SYTL2: variants seen among roughly 807,000 people sequenced by gnomAD.
The protein encoded by SYTL2 is synaptotagmin-like protein 2.
SYTL2 carries 165 observed loss-of-function variants against 198.7 expected under a neutral mutation model. That is an observed-to-expected ratio of 0.83 (90% CI 0.73 to 0.94). The LOEUF (loss-of-function observed/expected upper bound fraction) is 0.94. SYTL2 is among the 40% of genes least tolerant of loss of function. The pLI is 0.00. For missense variants in SYTL2, 2,835 were observed against 2,582.8 expected, an observed-to-expected ratio of 1.10 and a Z score of -2.12; for synonymous variants, 966 against 917.7, an observed-to-expected ratio of 1.05 and a Z score of -0.95.
intron 1 of SYTL2, among the ~76,000 whole-genome samples, chr11:85,796,677 A>G (rs2092808431): frequency 6.6e-6 from 1 of 152,118 alleles, no homozygotes; most frequent in Non-Finnish European, 1.5e-5. Flanking sequence ...TTCTATCCAA[A>G]TCCCAAATGC....
chr11:85,826,071 A>G, the SYTL2 span, among the ~76,000 whole-genome samples: 2 of 152,198 alleles, frequency 1.3e-5, no homozygotes, highest in African/African-American at 4.8e-5. Flanking sequence ...GTCTATTCAC[A>G]TTCTCTTTCT....
intron 1 of SYTL2, among the ~76,000 whole-genome samples, chr11:85,793,875 AC>A (rs1412879803): frequency 6.6e-6 from 1 of 152,244 alleles, no homozygotes; most frequent in Admixed American, 6.5e-5. Context: ...ACAGATATGA[AC>A]CCTGGAAAAT....
At chr11:85,781,185 T>C (rs1566018102) in intron 1 of SYTL2, among the ~76,000 whole-genome samples, 1 of 152,118 alleles carries the variant, frequency 6.6e-6, no homozygotes. Context: ...CTTACAATCA[T>C]GACAGAAGGG....
At position 85,727,261 on chromosome 11, in the gene SYTL2, C is replaced by T; in HGVS notation, c.2097G>A (p.Lys699=). ...CTCTATTTTCTTCATGAGCATGAAA[C>T]TTGGGTTCTTCTTCACCCAAGTTGC... is the stretch of plus-strand genomic sequence containing the variant. ...NIGNLGEEEP[K]FHAHEENRGH... The change falls in exon 8 of 20, where the codon AAG becomes AAA. Residue 699 remains lysine (K), a synonymous_variant. Coordinates refer to ENST00000359152, the MANE Select transcript of SYTL2 (RefSeq NM_206927.4). The T allele has an allele frequency of 1.0e-5, 16 of 1,535,232 alleles. No individual in the cohort carries two copies. Among genetic ancestry groups the T allele is most frequent in the Non-Finnish European group, 1.4e-5 (16 of 1,146,702 alleles).
rs754526967 is a variant in SYTL2 at position 85,725,642 on chromosome 11, G to T, written c.3716C>A (p.Thr1239Asn). ...QAKLAPVITG[T>N]NSKLEEGRFF... ...TCTCCCCTCTTCCAGCTTAGAGTTGGTTCCAGTGATAACAGGCGCCAACTT... is the reference window on the plus strand; with the variant it reads ...TCTCCCCTCTTCCAGCTTAGAGTTGTTTCCAGTGATAACAGGCGCCAACTT... The change falls in exon 8 of 20, where the codon ACC (threonine) becomes AAC (asparagine). Residue 1239 changes from threonine (T) to asparagine (N), a missense_variant. Physicochemically the swap from Thr to Asn is moderately conservative, Grantham distance 65. Around this residue, in one of 3 missense-constraint regions of SYTL2, gnomAD observed 2,645 missense variants for 2,381.7 expected, o/e 1.11. Transcript: ENST00000359152. The T allele has an allele frequency of 1.9e-6, 3 of 1,614,066 alleles. No individual in the cohort carries two copies. Among genetic ancestry groups the T allele is most frequent in the Non-Finnish European group, 2.5e-6 (3 of 1,180,020 alleles).
intron 1 of SYTL2, among the ~76,000 whole-genome samples, chr11:85,795,265 T>C (rs1053010290): frequency 6.6e-6 from 1 of 152,068 alleles, no homozygotes; most frequent in African/African-American, 2.4e-5. Flanking sequence ...CAAGGAATAA[T>C]GCTTGCATTT....
chr11:85,819,463 A>C, the SYTL2 span, among the ~76,000 whole-genome samples: 2 of 152,196 alleles, frequency 1.3e-5, no homozygotes, highest in African/African-American at 4.8e-5. Context: ...TGAGGGTGGA[A>C]GCCCCAAGAT....
chr11:85,836,282 C>T, the SYTL2 span, among the ~76,000 whole-genome samples: 1 of 151,862 alleles, frequency 6.6e-6, no homozygotes, highest in Non-Finnish European at 1.5e-5. Flanking sequence ...TGAAATTTCC[C>T]ATTTGCTGAT....
At position 85,704,875 on chromosome 11, in the gene SYTL2, A is replaced by G; in HGVS notation, c.6172T>C (p.Tyr2058His). ...GGACTCACCTTCCGCTTCAGAGGGT[A>G]CCATCTCAATTGTTTATTCTGTTTG... ...DNKQNKQLRW[Y>H]PLKRKTAPVA... is the part of the protein sequence containing the mutation. Residue 2058 changes from tyrosine to histidine, a missense_variant, in exon 16 of 20, where the codon TAC becomes CAC. Physicochemically the swap from Tyr to His is moderately conservative, Grantham distance 83 (BLOSUM62 2). Transcript: ENST00000359152. The G allele has an allele frequency of 1.2e-6, 2 of 1,613,474 alleles. No homozygotes were observed. Among genetic ancestry groups the G allele is most frequent in the East Asian group, 2.2e-5 (1 of 44,850 alleles).
chr11:85,810,638 G>A (rs2153666372), intron 1 of SYTL2, among the ~76,000 whole-genome samples: 1 of 152,208 alleles, frequency 6.6e-6, no homozygotes, highest in East Asian at 1.9e-4. Flanking sequence ...CCAGCACCCA[G>A]CCCCAAGCCC....
At chr11:85,720,340 T>C (rs1376815639) in intron 9 of SYTL2, among the ~76,000 whole-genome samples, 1 of 152,210 alleles carries the variant, frequency 6.6e-6, no homozygotes. Context: ...TTCTTGATAA[T>C]AGCCTGTTAA....
chr11:85,812,447 T>A (rs143914615), upstream of SYTL2, among the ~76,000 whole-genome samples: 628 of 152,318 alleles, frequency 4.1e-3, 6 homozygotes, highest in African/African-American at 0.014. Flanking sequence ...GTCCCTGTGC[T>A]GGGTGAGCAT....
At chr11:85,826,964 A>G in the SYTL2 span, among the ~76,000 whole-genome samples, 2 of 152,212 alleles carry the variant, frequency 1.3e-5, no homozygotes, top group South Asian at 4.1e-4. Context: ...CATAACCCTG[A>G]GTGTTTTCAG....
intron 16 of SYTL2, 94 bp from the exon 17 acceptor site, chr11:85,700,687 C>T: frequency 1.1e-6 from 1 of 921,938 alleles, no homozygotes; most frequent in Non-Finnish European, 1.8e-6. Context: ...TGTCCCATTT[C>T]TGGGACCATG....
At chr11:85,714,814 C>T in intron 11 of SYTL2, 1 of 501,742 alleles carries the variant, frequency 2.0e-6, no homozygotes, top group South Asian at 4.4e-5. Flanking sequence ...ATTGGTTTAG[C>T]TTATTTTTTC....
chr11:85,800,545 C>T (rs1407334704), intron 1 of SYTL2, among the ~76,000 whole-genome samples: 1 of 152,166 alleles, frequency 6.6e-6, no homozygotes, highest in Non-Finnish European at 1.5e-5. Context: ...TCCCAAACTG[C>T]TGAGATTACA....
intron 1 of SYTL2, among the ~76,000 whole-genome samples, chr11:85,790,476 T>C (rs774071293): frequency 2.0e-4 from 30 of 152,214 alleles, no homozygotes; most frequent in Non-Finnish European, 4.3e-4. Flanking sequence ...AGACTGGATT[T>C]GTCTTTAGGT....
chr11:85,699,155 T>C (rs945988467), intron 17 of SYTL2, among the ~76,000 whole-genome samples: 13 of 152,288 alleles, frequency 8.5e-5, no homozygotes, highest in Middle Eastern at 3.4e-3. Context: ...TCAAATAAAA[T>C]GATAAAAATG....
chr11:85,820,926 A>G, the SYTL2 span, among the ~76,000 whole-genome samples: 1 of 152,214 alleles, frequency 6.6e-6, no homozygotes, highest in Non-Finnish European at 1.5e-5. Context: ...CCTTCAAGGA[A>G]CTTTTCAATC....
Sources: gnomAD v4.1 joint callset for allele counts (sites outside exome capture counted in the v4.1 genomes callset) on GRCh38, gnomAD v4.1.1 for gene constraint, gnomAD v4.1.1 regional missense constraint, MANE v1.5 for transcripts, NCBI Gene and HGNC (gene_info 2026-07-23, HGNC 2026-07-21) for gene names.